DGKB: variants seen among roughly 807,000 people sequenced by gnomAD.
The protein encoded by DGKB is 90 kDa diacylglycerol kinase.
Under a neutral mutation model 114.3 loss-of-function variants are expected in DGKB, and 67 were observed. That is an observed-to-expected ratio of 0.59 (90% CI 0.48 to 0.72). The LOEUF (loss-of-function observed/expected upper bound fraction) is 0.72, where lower values mean the gene tolerates loss of function less well. DGKB is among the 30% of genes least tolerant of loss of function. The probability of loss-of-function intolerance (pLI) is 0.00; values close to 1 mark genes in which losing one functional copy is unlikely to be tolerated. For synonymous variants in DGKB, 398 were observed against 323.1 expected (o/e 1.23, Z -2.49); for missense variants, 907 against 975.2 (o/e 0.93, Z 0.93).
chr7:14,616,494 T>G (rs1288812765), intron 15 of DGKB, among the ~76,000 whole-genome samples: 1 of 151,810 alleles, frequency 6.6e-6, no homozygotes, highest in Admixed American at 6.6e-5. Flanking sequence ...AAAATACATT[T>G]GCTGCAATCC....
chr7:14,827,203 T>G (rs561970565), intron 2 of DGKB, among the ~76,000 whole-genome samples: 1 of 152,178 alleles, frequency 6.6e-6, no homozygotes, highest in Non-Finnish European at 1.5e-5. Context: ...ATCATATTAT[T>G]TGTGGAATGT....
intron 1 of DGKB, among the ~76,000 whole-genome samples, chr7:14,926,317 T>A (rs1279814202): frequency 6.6e-6 from 1 of 152,042 alleles, no homozygotes; most frequent in African/African-American, 2.4e-5. Flanking sequence ...CTGTTGACTT[T>A]CTTTTCTCAT....
chr7:14,171,164 G>A (rs1339738946), intron 25 of DGKB, among the ~76,000 whole-genome samples: 1 of 152,128 alleles, frequency 6.6e-6, no homozygotes, highest in African/African-American at 2.4e-5. Flanking sequence ...ATCTTAAGAG[G>A]TATTATGCCA....
intron 21 of DGKB, among the ~76,000 whole-genome samples, chr7:14,377,817 C>T (rs1204918002): frequency 6.6e-6 from 1 of 152,112 alleles, no homozygotes; most frequent in Admixed American, 6.5e-5. Flanking sequence ...TTTCCAGTTC[C>T]CAGGGTAGGT....
At chr7:14,456,662 T>A (rs1406362501) in intron 21 of DGKB, among the ~76,000 whole-genome samples, 1 of 152,122 alleles carries the variant, frequency 6.6e-6, no homozygotes, top group Non-Finnish European at 1.5e-5. Flanking sequence ...AACTTAATAT[T>A]AATTTGATAT....
chr7:14,917,390 C>T (rs893054612), intron 1 of DGKB, among the ~76,000 whole-genome samples: 4 of 151,838 alleles, frequency 2.6e-5, no homozygotes, highest in African/African-American at 9.7e-5. Context: ...AGGCCACTAA[C>T]AAGAGAGAGA....
At position 14,539,284 on chromosome 7, in the gene DGKB, G is replaced by C. The variant is rs1303995772; in HGVS notation, c.1770+34928C>G. Among the ~76,000 whole-genome samples, 4 of 152,188 alleles carry C rather than the reference G, an allele frequency of 2.6e-5. No individual in the cohort carries two copies. The East Asian group carries it at 7.7e-4, about 29-fold the overall frequency. ...ACTCACCAAATTTCATTAATTATGT[G>C]TGGTTTCATATTTTTGTATACCAAT... On this transcript the variant is annotated intron_variant, in intron 20 of 25. Coordinates refer to ENST00000402815, the MANE Select transcript of DGKB (RefSeq NM_001350709.2).
At chr7:14,360,629 C>T (rs1383884291) in intron 21 of DGKB, among the ~76,000 whole-genome samples, 2 of 151,890 alleles carry the variant, frequency 1.3e-5, no homozygotes, top group Non-Finnish European at 1.5e-5. Flanking sequence ...CTAGAATAGA[C>T]ATTAATTGGT....
At chr7:14,455,777 A>C (rs1037496005) in intron 21 of DGKB, among the ~76,000 whole-genome samples, 35 of 152,038 alleles carry the variant, frequency 2.3e-4, no homozygotes, top group Non-Finnish European at 1.9e-4. Context: ...TAATACCCTG[A>C]AATTTTTAAG....
At chr7:14,259,784 C>G (rs531843560) in intron 23 of DGKB, among the ~76,000 whole-genome samples, 3 of 152,106 alleles carry the variant, frequency 2.0e-5, no homozygotes, top group Admixed American at 6.5e-5. Flanking sequence ...CTATAGATCA[C>G]GGGTGGTGCC....
intron 21 of DGKB, among the ~76,000 whole-genome samples, chr7:14,357,190 G>T (rs1282630448): frequency 2.0e-5 from 3 of 152,170 alleles, no homozygotes. Context: ...AATATTGACA[G>T]TGGGGTGTTA....
At chr7:14,892,747 A>G (rs1587250952) in intron 1 of DGKB, among the ~76,000 whole-genome samples, 1 of 151,150 alleles carries the variant, frequency 6.6e-6, no homozygotes, top group African/African-American at 2.4e-5. Context: ...AAATATCCCT[A>G]ACTTATGACT....
At chr7:14,694,715 A>C (rs1397710217) in intron 8 of DGKB, among the ~76,000 whole-genome samples, 3 of 141,848 alleles carry the variant, frequency 2.1e-5, no homozygotes, top group South Asian at 2.6e-4. Context: ...GTAATGTCTT[A>C]AAATGTTCTC....
At chr7:14,774,851 C>T (rs1009834650) in intron 2 of DGKB, among the ~76,000 whole-genome samples, 1 of 152,110 alleles carries the variant, frequency 6.6e-6, no homozygotes, top group Admixed American at 6.6e-5. Flanking sequence ...TCTTTGCATG[C>T]CTTGGCTGTA....
At chr7:14,876,794 TA>T (rs1256761161) in intron 1 of DGKB, among the ~76,000 whole-genome samples, 1 of 152,216 alleles carries the variant, frequency 6.6e-6, no homozygotes, top group Non-Finnish European at 1.5e-5. Context: ...CAAAGTATGT[TA>T]AAAGTATATT....
chr7:14,583,483 T>G (rs1047888710), intron 17 of DGKB, among the ~76,000 whole-genome samples: 2 of 152,218 alleles, frequency 1.3e-5, no homozygotes, highest in African/African-American at 4.8e-5. Flanking sequence ...GAATGACATA[T>G]ACTACATTAT....
At chr7:14,679,569 C>T (rs1563885925) in intron 12 of DGKB, among the ~76,000 whole-genome samples, 1 of 152,044 alleles carries the variant, frequency 6.6e-6, no homozygotes, top group Non-Finnish European at 1.5e-5. Flanking sequence ...TTCTGTTTCT[C>T]TCTACAATAT....
chr7:14,890,057 T>C (rs1188638814), intron 1 of DGKB, among the ~76,000 whole-genome samples: 1 of 151,578 alleles, frequency 6.6e-6, no homozygotes, highest in Middle Eastern at 3.2e-3. Flanking sequence ...AATCTAATGA[T>C]ATTCCTCAGT....
chr7:14,781,102 G>A (rs1352600997), intron 2 of DGKB, among the ~76,000 whole-genome samples: 1 of 152,134 alleles, frequency 6.6e-6, no homozygotes, highest in Non-Finnish European at 1.5e-5. Context: ...TTCTTTCACA[G>A]TTTTGTAAGT....
Sources: allele counts gnomAD v4.1 joint callset (sites outside exome capture counted in the v4.1 genomes callset), GRCh38; gene constraint gnomAD v4.1.1; transcripts MANE v1.5; gene names NCBI Gene and HGNC (gene_info 2026-07-23, HGNC 2026-07-21).